The following KAT6A variants were observed in gnomAD, a reference collection of about 807,000 sequenced individuals.
KAT6A encodes the protein lysine acetyltransferase 6A.
In KAT6A, 9 loss-of-function variants were observed where a neutral mutation model predicts 198.4. That is an observed-to-expected ratio of 0.05 (90% CI 0.03 to 0.08). The LOEUF (loss-of-function observed/expected upper bound fraction) is 0.08, where lower values mean the gene tolerates loss of function less well. KAT6A is among the 10% of genes least tolerant of loss of function. KAT6A has a pLI of 1.00. For missense variants in KAT6A, 2,077 were observed against 2,509.9 expected, an observed-to-expected ratio of 0.83 and a Z score of 3.69; for synonymous variants, 890 against 883.0, an observed-to-expected ratio of 1.01 and a Z score of -0.14.
At chr8:42,044,142 C>A (rs1206702472) in intron 2 of KAT6A, among the ~76,000 whole-genome samples, 1 of 149,070 alleles carries the variant, frequency 6.7e-6, no homozygotes, top group East Asian at 2.0e-4. Flanking sequence ...GCTCTGTTGC[C>A]CAGGCTGGAG....
chr8:41,957,867 C>A (rs535398302), intron 8 of KAT6A: 1 of 152,852 alleles, frequency 6.5e-6, no homozygotes, highest in East Asian at 1.9e-4. Flanking sequence ...TAAAAAAGGC[C>A]ATTCTTGCAG....
At chr8:41,985,399 T>A (rs1459043878) in intron 3 of KAT6A, among the ~76,000 whole-genome samples, 2 of 152,228 alleles carry the variant, frequency 1.3e-5, no homozygotes, top group Non-Finnish European at 1.5e-5. Flanking sequence ...AAGACTCCTT[T>A]GCAGCTAGGC....
intron 2 of KAT6A, among the ~76,000 whole-genome samples, chr8:42,040,735 CAAAAAAAAAAAAAAAAAA>C (rs59959496): frequency 1.8e-5 from 1 of 54,666 alleles, no homozygotes; most frequent in African/African-American, 7.6e-5. Flanking sequence ...GACTCTGTCT[CAAAAAAAAAAAAAAAAAA>C]AAAAAAAGAA....
At chr8:41,982,076 A>G (rs1824383110) in intron 3 of KAT6A, 122 bp from the exon 4 acceptor site, 1 of 598,700 alleles carries the variant, frequency 1.7e-6, no homozygotes, top group African/African-American at 1.8e-5. Flanking sequence ...CAAATAAAGC[A>G]AGATGCACCA....
At chr8:42,009,907 A>AC (rs1347632237) in intron 2 of KAT6A, among the ~76,000 whole-genome samples, 5 of 138,380 alleles carry the variant, frequency 3.6e-5, no homozygotes, top group Middle Eastern at 3.7e-3. Flanking sequence ...AAAAAAAAAA[A>AC]AAAAAAACAA....
In KAT6A at chr8:41,967,274, A is replaced by T. The variant is rs188158410; in HGVS notation, c.1482+7430T>A. Among the ~76,000 whole-genome samples the T allele has an allele frequency of 3.1e-3, 443 of 142,846 alleles. 7 individuals are homozygous for T. The highest frequency in any genetic ancestry group is 7.8e-3 in the African/African-American group (300 of 38,572). 93.7% of individuals were successfully genotyped at this position (142,846 alleles called of 152,430 possible). On this transcript the variant is annotated intron_variant, in intron 8 of 16. Coordinates refer to ENST00000265713, the MANE Select transcript of KAT6A (RefSeq NM_006766.5). ...GCGTCTTTCTTTTTTTAAAAAAAAA[A>T]ATTTATTTATTTATTTATTTATTTA...
rs74806988 is a variant in KAT6A at position 42,050,019 on chromosome 8, T to C, written c.-325-717A>G. On this transcript the variant is annotated intron_variant, in intron 1 of 16. Coordinates refer to ENST00000265713, the MANE Select transcript of KAT6A (RefSeq NM_006766.5). Reference sequence around the variant, plus strand: ...CCTAACCCAAACTAAGATGTTTCTATTCATATGCTGAAGAGAGTCACAACT... The same window carrying C: ...CCTAACCCAAACTAAGATGTTTCTACTCATATGCTGAAGAGAGTCACAACT... Among the ~76,000 whole-genome samples the C allele has an allele frequency of 4.4e-3, 669 of 152,242 alleles. 2 individuals carry two copies. The highest frequency in any genetic ancestry group is 6.0e-3 in the South Asian group (29 of 4,818).
chr8:41,965,713 T>G (rs1823442308), intron 8 of KAT6A, among the ~76,000 whole-genome samples: 1 of 152,190 alleles, frequency 6.6e-6, no homozygotes, highest in South Asian at 2.1e-4. Context: ...GTGGAACATC[T>G]GTTGGGCAAT....
At position 41,987,519 on chromosome 8, in the gene KAT6A, T is replaced by C. The variant is rs757601572; in HGVS notation, c.645A>G (p.Thr215=). ...PIPICSFCLG[T]KEQNREKKPE... is the part of the protein sequence containing the mutation. Reference sequence around the variant, plus strand: ...GCTTCTTTTCTCGGTTTTGTTCTTTTGTACCAAGACAGAAACTACAGATGG... The same window carrying C: ...GCTTCTTTTCTCGGTTTTGTTCTTTCGTACCAAGACAGAAACTACAGATGG... The change falls in exon 3 of 17, where the codon ACA becomes ACG. Residue 215 remains threonine, a synonymous_variant. Coordinates refer to ENST00000265713, the MANE Select transcript of KAT6A (RefSeq NM_006766.5). 2 of 1,613,766 alleles carry C rather than the reference T, an allele frequency of 1.2e-6. No individual in the cohort carries two copies. Among genetic ancestry groups the C allele is most frequent in the Non-Finnish European group, 1.7e-6 (2 of 1,179,750 alleles).
intron 4 of KAT6A, among the ~76,000 whole-genome samples, chr8:41,981,451 A>C (rs1183069494): frequency 6.6e-6 from 1 of 152,338 alleles, no homozygotes; most frequent in East Asian, 1.9e-4. Context: ...AAGTTTCATT[A>C]GTTTCAAGTA....
In KAT6A at chr8:41,982,430, G is replaced by A. The variant is rs1284698464; in HGVS notation, c.710-476C>T. Reference sequence around the variant, plus strand: ...CCTTTTGTGCTGTCATTTTTTAAATGACAATGTTTTACTTTTGTAATTTAA... The same window carrying A: ...CCTTTTGTGCTGTCATTTTTTAAATAACAATGTTTTACTTTTGTAATTTAA... On this transcript the variant is annotated intron_variant, in intron 3 of 16. Transcript: ENST00000265713. 3.3e-5 allele frequency among the ~76,000 whole-genome samples: 5 copies of A among 152,144 alleles called. No homozygotes were observed. The East Asian group carries it at 9.6e-4, about 29-fold the overall frequency.
In KAT6A at chr8:41,980,889, A is replaced by G; in HGVS notation, c.864T>C (p.Phe288=). ...GTGGCGGATCACAACACTCCATGTG[A>G]AAACCTCGGTCACATGAATCACAAA... ...MLFCDSCDRG[F]HMECCDPPLT... is the part of the protein sequence containing the mutation. Residue 288 remains phenylalanine, a synonymous_variant, in exon 5 of 17, where the codon TTT becomes TTC. Coordinates refer to ENST00000265713, the MANE Select transcript of KAT6A (RefSeq NM_006766.5). The G allele has an allele frequency of 6.2e-7, 1 of 1,613,698 alleles. No individual in the cohort carries two copies. The highest frequency in any genetic ancestry group is 8.5e-7 in the Non-Finnish European group (1 of 1,179,774).
intron 8 of KAT6A, among the ~76,000 whole-genome samples, chr8:41,973,613 A>G (rs937968516): frequency 2.6e-5 from 4 of 152,136 alleles, no homozygotes; most frequent in Admixed American, 2.6e-4. Context: ...AAATGAACAT[A>G]ATCTGGAAGA....
chr8:42,031,706 C>T (rs1406664483), intron 2 of KAT6A, among the ~76,000 whole-genome samples: 5 of 146,608 alleles, frequency 3.4e-5, no homozygotes, highest in African/African-American at 1.0e-4. Context: ...CTTGGCTCAC[C>T]GCAACCTCCA....
intron 2 of KAT6A, among the ~76,000 whole-genome samples, chr8:42,008,766 C>T (rs1764337069): frequency 6.6e-6 from 1 of 152,044 alleles, no homozygotes; most frequent in South Asian, 2.1e-4. Context: ...CACATGTGAG[C>T]TAGTGGGTAC....
intron 2 of KAT6A, among the ~76,000 whole-genome samples, chr8:42,014,307 G>A (rs1294904159): frequency 1.3e-5 from 2 of 152,120 alleles, no homozygotes; most frequent in Non-Finnish European, 2.9e-5. Flanking sequence ...ATACCAAACT[G>A]TTCCATACAC....
chr8:41,962,313 AT>A (rs1487358033), intron 8 of KAT6A, among the ~76,000 whole-genome samples: 2 of 152,080 alleles, frequency 1.3e-5, no homozygotes, highest in African/African-American at 4.8e-5. Context: ...TCTACTTGAT[AT>A]CCCCTCTCAC....
chr8:41,967,386 G>A (rs1428492539), intron 8 of KAT6A, among the ~76,000 whole-genome samples: 6 of 150,978 alleles, frequency 4.0e-5, no homozygotes, highest in South Asian at 2.1e-4. Context: ...ATGCTGGTGC[G>A]CTGCACCCAC....
At chr8:41,959,436 A>G (rs866515159) in intron 8 of KAT6A, among the ~76,000 whole-genome samples, 1 of 152,340 alleles carries the variant, frequency 6.6e-6, no homozygotes, top group African/African-American at 2.4e-5. Flanking sequence ...CTGCTGTGGA[A>G]AACAGTATGA....
Sources: allele counts gnomAD v4.1 joint callset (sites outside exome capture counted in the v4.1 genomes callset), GRCh38; gene constraint gnomAD v4.1.1; transcripts MANE v1.5; gene names NCBI Gene and HGNC (gene_info 2026-07-23, HGNC 2026-07-21).